The following CRPPA variants were observed in gnomAD, a reference collection of about 807,000 sequenced individuals.
The protein encoded by CRPPA is CDP-L-ribitol pyrophosphorylase A, also known as D-ribitol-5-phosphate cytidylyltransferase.
In CRPPA, 43 loss-of-function variants were observed where a neutral mutation model predicts 52.0. That is an observed-to-expected ratio of 0.83 (90% CI 0.65 to 1.07). CRPPA has a LOEUF of 1.07. Ranked by LOEUF, CRPPA falls within the 50% of genes least tolerant of loss-of-function variation. The pLI is 0.00. For missense variants in CRPPA, 629 were observed against 551.7 expected (o/e 1.14, Z -1.40); for synonymous variants, 250 against 203.5 (o/e 1.23, Z -1.94).
chr7:16,385,150 G>A (rs1787223911), intron 2 of CRPPA, among the ~76,000 whole-genome samples: 2 of 151,706 alleles, frequency 1.3e-5, no homozygotes, highest in African/African-American at 4.8e-5. Flanking sequence ...GAAGATAAAT[G>A]AACAGAGCCG....
chr7:16,194,305 T>A (rs1781681005), intron 9 of CRPPA, among the ~76,000 whole-genome samples: 1 of 152,080 alleles, frequency 6.6e-6, no homozygotes, highest in Admixed American at 6.6e-5. Context: ...TGAGACATGG[T>A]GCCATCTTTG....
chr7:16,113,179 G>T (rs2128367599), intron 9 of CRPPA, among the ~76,000 whole-genome samples: 1 of 152,032 alleles, frequency 6.6e-6, no homozygotes, highest in South Asian at 2.1e-4. Flanking sequence ...GAAAAGCATT[G>T]TTGAACATAA....
chr7:16,275,517 T>C (rs1025032085), intron 6 of CRPPA, among the ~76,000 whole-genome samples: 1 of 152,148 alleles, frequency 6.6e-6, no homozygotes, highest in Non-Finnish European at 1.5e-5. Context: ...TAAAACTAGA[T>C]AAAACTCTTC....
At chr7:16,115,390 T>C (rs1296481458) in intron 9 of CRPPA, among the ~76,000 whole-genome samples, 1 of 152,044 alleles carries the variant, frequency 6.6e-6, no homozygotes, top group African/African-American at 2.4e-5. Flanking sequence ...GACTGAAAAA[T>C]CGAGATATCA....
In CRPPA at chr7:16,089,473, G is replaced by A. The variant is rs536871020; in HGVS notation, c.*2222C>T. On this transcript the variant is annotated 3_prime_UTR_variant, in exon 10 of 10. Coordinates refer to ENST00000407010, the MANE Select transcript of CRPPA (RefSeq NM_001101426.4). Reference sequence around the variant, plus strand: ...CATACATATATGTGTATATATGTACGTACATATATACGGGTATATATGTAC... The same window carrying A: ...CATACATATATGTGTATATATGTACATACATATATACGGGTATATATGTAC... 40 of 316,280 alleles carry A rather than the reference G, an allele frequency of 1.3e-4. No homozygotes were observed. Among genetic ancestry groups the A allele is most frequent in the Admixed American group, 4.4e-4 (16 of 35,960 alleles). 19.6% of individuals were successfully genotyped at this position (316,280 alleles called of 1,614,324 possible).
chr7:16,095,533 C>T (rs1485105366), intron 9 of CRPPA, among the ~76,000 whole-genome samples: 1 of 152,192 alleles, frequency 6.6e-6, no homozygotes, highest in Non-Finnish European at 1.5e-5. Flanking sequence ...ATATCACCCT[C>T]TCACCATATA....
chr7:16,180,900 C>G (rs1219403927), intron 9 of CRPPA, among the ~76,000 whole-genome samples: 4 of 152,026 alleles, frequency 2.6e-5, no homozygotes, highest in East Asian at 3.9e-4. Context: ...ACTTGCATCT[C>G]CAAACTGCTA....
intron 9 of CRPPA, among the ~76,000 whole-genome samples, chr7:16,204,567 C>T (rs776269395): frequency 6.6e-6 from 1 of 152,076 alleles, no homozygotes; most frequent in Non-Finnish European, 1.5e-5. Context: ...CAAGACTTCA[C>T]CACTACACAA....
intron 9 of CRPPA, among the ~76,000 whole-genome samples, chr7:16,160,302 A>T (rs1783275919): frequency 6.6e-6 from 1 of 152,084 alleles, no homozygotes; most frequent in Non-Finnish European, 1.5e-5. Flanking sequence ...GGCTTTAGGT[A>T]GTAACACTTA....
At chr7:16,295,394 T>C (rs1268781834) in intron 5 of CRPPA, among the ~76,000 whole-genome samples, 3 of 151,994 alleles carry the variant, frequency 2.0e-5, no homozygotes, top group Non-Finnish European at 2.9e-5. Context: ...AGGGATGAAA[T>C]GGATTTCCAA....
At chr7:16,309,487 C>G (rs1246764553) in intron 3 of CRPPA, among the ~76,000 whole-genome samples, 1 of 152,108 alleles carries the variant, frequency 6.6e-6, no homozygotes, top group Non-Finnish European at 1.5e-5. Context: ...TCAGGAAGGC[C>G]TATCAGAGGA....
In CRPPA at chr7:16,421,389, C is replaced by A. The variant is rs891628695; in HGVS notation, c.-67G>T. The A allele has an allele frequency of 6.6e-6, 8 of 1,210,544 alleles. No homozygotes were observed. In the East Asian group the frequency reaches 2.7e-4, roughly 41 times the overall value. 75.0% of individuals were successfully genotyped at this position (1,210,544 alleles called of 1,614,324 possible). The stretch of plus-strand genomic sequence containing the variant: ...TGCGACCCCGCGCTGCTCCCACCCT[C>A]GGCCGGGGTCGCGGGGCGAAGGGCA... On this transcript the variant is annotated 5_prime_UTR_variant, in exon 1 of 10. Transcript: ENST00000407010.
intron 6 of CRPPA, chr7:16,270,660 A>T (rs1784069821): frequency 6.6e-6 from 1 of 152,168 alleles, no homozygotes; most frequent in Non-Finnish European, 1.5e-5. Flanking sequence ...TGTAACACAT[A>T]AATGTGGTGC....
At chr7:16,378,345 G>A (rs552937380) in intron 2 of CRPPA, among the ~76,000 whole-genome samples, 27 of 142,282 alleles carry the variant, frequency 1.9e-4, no homozygotes, top group African/African-American at 6.9e-4. Context: ...CCACCTATGA[G>A]TGAGAACATG....
chr7:16,230,486 G>C (rs1022592791), intron 8 of CRPPA, among the ~76,000 whole-genome samples: 1 of 152,018 alleles, frequency 6.6e-6, no homozygotes, highest in Admixed American at 6.6e-5. Flanking sequence ...TCATCTAGTA[G>C]AAGCTAAAAA....
intron 8 of CRPPA, among the ~76,000 whole-genome samples, chr7:16,229,168 G>C (rs1274779810): frequency 2.0e-5 from 3 of 151,962 alleles, no homozygotes. Context: ...CAGTTTGTGT[G>C]TGTCCTTACA....
chr7:16,175,810 G>T (rs1012103923), intron 9 of CRPPA, among the ~76,000 whole-genome samples: 2 of 152,052 alleles, frequency 1.3e-5, no homozygotes. Flanking sequence ...GCTTGAAAAA[G>T]ATTATTATGG....
intron 5 of CRPPA, among the ~76,000 whole-genome samples, chr7:16,301,069 T>C (rs758683893): frequency 6.6e-6 from 1 of 152,188 alleles, no homozygotes; most frequent in Non-Finnish European, 1.5e-5. Context: ...GACACGACAC[T>C]GTTAAGGGGA....
chr7:16,280,517 C>T (rs934647613), intron 5 of CRPPA, among the ~76,000 whole-genome samples: 9 of 152,034 alleles, frequency 5.9e-5, no homozygotes, highest in African/African-American at 1.2e-4. Flanking sequence ...TGTGATGGTG[C>T]CACAAACATT....
Sources: gnomAD v4.1 joint callset for allele counts (sites outside exome capture counted in the v4.1 genomes callset) on GRCh38, gnomAD v4.1.1 for gene constraint, MANE v1.5 for transcripts, NCBI Gene and HGNC (gene_info 2026-07-23, HGNC 2026-07-21) for gene names.